PRKCI: variants seen among roughly 807,000 people sequenced by gnomAD.
PRKCI encodes the protein protein kinase C iota type.
In PRKCI, 43 loss-of-function variants were observed where a neutral mutation model predicts 84.0. The observed-to-expected ratio is 0.51, with a 90% CI of 0.40 to 0.66. The LOEUF (loss-of-function observed/expected upper bound fraction) is 0.66, where lower values mean the gene tolerates loss of function less well. PRKCI is among the 30% of genes least tolerant of loss of function. The pLI is 0.00. For missense variants in PRKCI, 459 were observed against 745.6 expected, an observed-to-expected ratio of 0.62 and a Z score of 4.48; for synonymous variants, 216 against 234.4, an observed-to-expected ratio of 0.92 and a Z score of 0.72.
At chr3:170,264,851 T>C (rs2108850917) in intron 4 of PRKCI, among the ~76,000 whole-genome samples, 1 of 152,198 alleles carries the variant, frequency 6.6e-6, no homozygotes, top group East Asian at 1.9e-4. Flanking sequence ...AATGTAGCCA[T>C]TGGGTCCCAC....
intron 3 of PRKCI, among the ~76,000 whole-genome samples, chr3:170,262,832 CTTTTT>C (rs748452040): frequency 7.5e-6 from 1 of 132,996 alleles, no homozygotes; most frequent in Non-Finnish European, 1.6e-5. Flanking sequence ...TTCTTTCTTT[CTTTTT>C]TTTTTTTTTT....
intron 12 of PRKCI, among the ~76,000 whole-genome samples, chr3:170,285,395 ATTC>A (rs1734355482): frequency 6.7e-6 from 1 of 150,210 alleles, no homozygotes; most frequent in Admixed American, 6.6e-5. Context: ...TTGATGTTTT[ATTC>A]TTTTATAACA....
In PRKCI at chr3:170,280,232, G is replaced by A. The variant is rs1441299379; in HGVS notation, c.711G>A (p.Met237Ile). Residue 237 changes from methionine to isoleucine, a missense_variant, in exon 9 of 18, where the codon ATG becomes ATA. Physicochemically the swap from Met to Ile is conservative, Grantham distance 10 (BLOSUM62 1). Coordinates refer to ENST00000295797, the MANE Select transcript of PRKCI (RefSeq NM_002740.6). ...GATACAAATGTTCTCAACAGGCAAT[G>A]AACACCAGGGAAAGTGGCAAAGCTT... ...LDQVGEEKEA[M>I]NTRESGKASS... is the part of the protein sequence containing the mutation. The A allele has an allele frequency of 6.2e-7, 1 of 1,609,762 alleles. No individual in the cohort carries two copies. The highest frequency in any genetic ancestry group is 1.3e-5 in the African/African-American group (1 of 74,678).
At chr3:170,260,169 G>T (rs1252837287) in intron 3 of PRKCI, 111 bp downstream of exon 3, 8 of 665,446 alleles carry the variant, frequency 1.2e-5, no homozygotes, top group Non-Finnish European at 1.7e-5. Context: ...CAATCTCTGT[G>T]ACTCATGCCT....
At chr3:170,253,891 G>A (rs1733516414) in intron 2 of PRKCI, among the ~76,000 whole-genome samples, 1 of 151,924 alleles carries the variant, frequency 6.6e-6, no homozygotes, top group Admixed American at 6.6e-5. Flanking sequence ...GAGGTCAGGA[G>A]TTCCAGACCA....
At chr3:170,268,507 G>A (rs560283966) in intron 5 of PRKCI, among the ~76,000 whole-genome samples, 68 of 150,554 alleles carry the variant, frequency 4.5e-4, no homozygotes, top group African/African-American at 1.5e-3. Context: ...GCTCCAGATT[G>A]GATGATTAAT....
At chr3:170,252,902 A>G (rs1733491445) in intron 2 of PRKCI, among the ~76,000 whole-genome samples, 1 of 152,100 alleles carries the variant, frequency 6.6e-6, no homozygotes, top group East Asian at 1.9e-4. Flanking sequence ...GGTAGCTATC[A>G]TTCTACTCTC....
chr3:170,225,538 T>A (rs1732605714), intron 1 of PRKCI, among the ~76,000 whole-genome samples: 1 of 152,030 alleles, frequency 6.6e-6, no homozygotes, highest in South Asian at 2.1e-4. Context: ...CATTATTACA[T>A]AGCATTTCCT....
At chr3:170,248,731 T>A (rs941531405) in intron 2 of PRKCI, among the ~76,000 whole-genome samples, 2 of 152,156 alleles carry the variant, frequency 1.3e-5, no homozygotes, top group East Asian at 3.8e-4. Context: ...CTAGGTACAT[T>A]TTGAAAGCAA....
intron 5 of PRKCI, among the ~76,000 whole-genome samples, chr3:170,269,322 G>A (rs1372669622): frequency 3.3e-5 from 5 of 152,108 alleles, no homozygotes; most frequent in African/African-American, 1.2e-4. Flanking sequence ...ACCACCACCC[G>A]AAATCCCTCT....
At chr3:170,265,002 A>G (rs981788607) in intron 4 of PRKCI, among the ~76,000 whole-genome samples, 3 of 151,856 alleles carry the variant, frequency 2.0e-5, no homozygotes, top group Admixed American at 6.6e-5. Flanking sequence ...CCTGGCCAAC[A>G]TGGTGAAAGC....
chr3:170,229,363 G>T (rs1399803564), intron 1 of PRKCI, among the ~76,000 whole-genome samples: 1 of 152,164 alleles, frequency 6.6e-6, no homozygotes, highest in Non-Finnish European at 1.5e-5. Flanking sequence ...GCCTACGCTG[G>T]AGTGCAGTGG....
intron 1 of PRKCI, among the ~76,000 whole-genome samples, chr3:170,229,837 T>C (rs552313389): frequency 3.9e-5 from 6 of 152,374 alleles, no homozygotes; most frequent in Admixed American, 2.6e-4. Context: ...TATCTGTCTT[T>C]TAAATTTTTG....
chr3:170,236,120 G>A (rs1206134493), intron 2 of PRKCI, among the ~76,000 whole-genome samples: 1 of 75,950 alleles, frequency 1.3e-5, no homozygotes, highest in Non-Finnish European at 2.8e-5. Context: ...TTTTTTTTTT[G>A]AGACAGAGTC....
At chr3:170,242,632 A>C (rs752718736) in intron 2 of PRKCI, among the ~76,000 whole-genome samples, 1 of 151,794 alleles carries the variant, frequency 6.6e-6, no homozygotes, top group Non-Finnish European at 1.5e-5. Context: ...CATTATTTAT[A>C]ATGTAATGTA....
chr3:170,300,490 A>G (rs1054809297), intron 17 of PRKCI, among the ~76,000 whole-genome samples: 1 of 151,702 alleles, frequency 6.6e-6, no homozygotes, highest in Non-Finnish European at 1.5e-5. Flanking sequence ...CCCTCTGTGT[A>G]AGCATGCTCA....
At chr3:170,253,964 G>T (rs1180296898) in intron 2 of PRKCI, among the ~76,000 whole-genome samples, 1 of 151,618 alleles carries the variant, frequency 6.6e-6, no homozygotes, top group Non-Finnish European at 1.5e-5. Flanking sequence ...GGGCATGGTG[G>T]CACGTGCCTG....
At chr3:170,229,990 T>G (rs1221767270) in intron 1 of PRKCI, among the ~76,000 whole-genome samples, 6 of 152,178 alleles carry the variant, frequency 3.9e-5, no homozygotes, top group African/African-American at 1.4e-4. Context: ...GACAGGACAT[T>G]GACATTTTGT....
intron 13 of PRKCI, among the ~76,000 whole-genome samples, chr3:170,293,110 AT>A (rs1480828411): frequency 6.6e-6 from 1 of 151,898 alleles, no homozygotes; most frequent in African/African-American, 2.4e-5. Flanking sequence ...AACACACAAT[AT>A]TAGATATTGG....
Sources: allele counts gnomAD v4.1 joint callset (sites outside exome capture counted in the v4.1 genomes callset), GRCh38; gene constraint gnomAD v4.1.1; transcripts MANE v1.5; gene names NCBI Gene and HGNC (gene_info 2026-07-23, HGNC 2026-07-21).